FOXN3: variants seen among roughly 807,000 people sequenced by gnomAD.
The protein encoded by FOXN3 is forkhead box protein N3.
Under a neutral mutation model 38.4 loss-of-function variants are expected in FOXN3, and 7 were observed. That is an observed-to-expected ratio of 0.18 (90% confidence interval 0.10 to 0.34). The LOEUF is 0.34. FOXN3 is among the 10% of genes least tolerant of loss of function. FOXN3 has a pLI of 1.00. For missense variants in FOXN3, 456 were observed against 613.4 expected, an observed-to-expected ratio of 0.74 and a Z score of 2.71; for synonymous variants, 230 against 242.2, an observed-to-expected ratio of 0.95 and a Z score of 0.47.
intron 4 of FOXN3, among the ~76,000 whole-genome samples, chr14:89,209,211 C>T (rs186722653): frequency 6.0e-4 from 92 of 152,374 alleles, no homozygotes; most frequent in African/African-American, 2.0e-3. Flanking sequence ...CTGGCGGCCA[C>T]GTTAATTCCA....
At chr14:89,326,307 T>C (rs527992257) in intron 3 of FOXN3, among the ~76,000 whole-genome samples, 2 of 152,306 alleles carry the variant, frequency 1.3e-5, no homozygotes, top group South Asian at 4.1e-4. Context: ...ATATTAAACA[T>C]GAGGAATGAA....
intron 4 of FOXN3, among the ~76,000 whole-genome samples, chr14:89,253,911 T>C (rs1365977373): frequency 2.6e-5 from 4 of 152,224 alleles, no homozygotes; most frequent in Non-Finnish European, 5.9e-5. Context: ...ACATGGTACC[T>C]GTCCCAATGG....
upstream of FOXN3, among the ~76,000 whole-genome samples, chr14:89,418,791 G>A (rs998685518): frequency 3.9e-5 from 6 of 152,270 alleles, no homozygotes; most frequent in South Asian, 1.2e-3. Flanking sequence ...TGCAGGTCCT[G>A]CCCCTCCATC....
At chr14:89,567,243 A>G (rs1293502038) in intron 1 of FOXN3, among the ~76,000 whole-genome samples, 1 of 152,164 alleles carries the variant, frequency 6.6e-6, no homozygotes, top group Non-Finnish European at 1.5e-5. Context: ...TTTAGAGTCA[A>G]GCTCTGAATA....
At chr14:89,396,904 A>AGT (rs1004022353) in intron 2 of FOXN3, among the ~76,000 whole-genome samples, 1 of 139,640 alleles carries the variant, frequency 7.2e-6, no homozygotes, top group Non-Finnish European at 1.5e-5. Flanking sequence ...CTTATTTGTT[A>AGT]GTGCACAAAT....
rs148173370 is a variant in FOXN3 at position 89,219,279 on chromosome 14, T to C, written c.746-38473A>G. Among the ~76,000 whole-genome samples the C allele has an allele frequency of 1.4e-3, 214 of 152,326 alleles. 2 individuals carry two copies. Among genetic ancestry groups the C allele is most frequent in the African/African-American group, 4.8e-3 (201 of 41,570 alleles). On this transcript the variant is annotated intron_variant, in intron 4 of 5. Coordinates refer to ENST00000557258, the MANE Select transcript of FOXN3 (RefSeq NM_005197.4). Reference sequence around the variant, plus strand: ...CCCTTCTGTCTCCCTCCTGCTTCCATGTAAGACATGCCTTGCTTCCCCTTT... The same window carrying C: ...CCCTTCTGTCTCCCTCCTGCTTCCACGTAAGACATGCCTTGCTTCCCCTTT...
intron 2 of FOXN3, among the ~76,000 whole-genome samples, chr14:89,368,325 T>A (rs750482451): frequency 1.6e-4 from 16 of 100,102 alleles, no homozygotes; most frequent in Non-Finnish European, 2.6e-4. Context: ...AGTGAAACTC[T>A]GTCTCAAAAA....
In FOXN3 at chr14:89,176,486, G is replaced by A. The variant is rs1012521870; in HGVS notation, c.851+4215C>T. On this transcript the variant is annotated intron_variant, in intron 5 of 5. Coordinates refer to ENST00000557258, the MANE Select transcript of FOXN3 (RefSeq NM_005197.4). ...TTTAGTGGGTGCTAATGACTCTCCCGCCCTCCCTGGGCCCCAGCTGAACAG... is the reference window on the plus strand; with the variant it reads ...TTTAGTGGGTGCTAATGACTCTCCCACCCTCCCTGGGCCCCAGCTGAACAG... Among the ~76,000 whole-genome samples the A allele has an allele frequency of 5.3e-5, 8 of 152,174 alleles. No individual in the cohort carries two copies. The South Asian group carries it at 8.3e-4, about 16-fold the overall frequency.
At chr14:89,402,482 G>A (rs1269687131) in intron 2 of FOXN3, among the ~76,000 whole-genome samples, 2 of 152,160 alleles carry the variant, frequency 1.3e-5, no homozygotes, top group Non-Finnish European at 2.9e-5. Flanking sequence ...AGTTTGCTTG[G>A]CAACAGAATC....
In FOXN3 at chr14:89,484,997, C is replaced by T. The variant is rs945781697; in HGVS notation, c.-14-72507G>A. On this transcript the variant is annotated intron_variant, in intron 1 of 6. Transcript: ENST00000345097. The surrounding 1 kb of genome is among the most constrained non-coding windows in gnomAD (Gnocchi z 4.0). ...TGAAACACCATCTCTACTAAAAATA[C>T]AAAAATTAGCCGGGCGTGGTGGTGG... Among the ~76,000 whole-genome samples, 26 of 151,944 alleles carry T rather than the reference C, an allele frequency of 1.7e-4. No individual in the cohort carries two copies. The highest frequency in any genetic ancestry group is 6.0e-4 in the African/African-American group (25 of 41,344).
At chr14:89,370,904 C>T (rs1890300278) in intron 2 of FOXN3, among the ~76,000 whole-genome samples, 1 of 152,158 alleles carries the variant, frequency 6.6e-6, no homozygotes, top group South Asian at 2.1e-4. Context: ...CTGTTATCAA[C>T]CTTTTAAGGC....
At chr14:89,188,752 G>A (rs1451583822) in intron 4 of FOXN3, among the ~76,000 whole-genome samples, 1 of 152,036 alleles carries the variant, frequency 6.6e-6, no homozygotes, top group Non-Finnish European at 1.5e-5. Flanking sequence ...GTTGAGTTAT[G>A]CAACTTAATT....
intron 1 of FOXN3, among the ~76,000 whole-genome samples, chr14:89,469,931 C>T (rs1402583159): frequency 6.6e-6 from 1 of 152,242 alleles, no homozygotes; most frequent in Non-Finnish European, 1.5e-5. Flanking sequence ...CACGCAGGTG[C>T]GTTTTTTTAA....
chr14:89,214,349 C>A (rs1260704763), intron 4 of FOXN3, among the ~76,000 whole-genome samples: 6 of 152,214 alleles, frequency 3.9e-5, no homozygotes, highest in South Asian at 2.1e-4. Context: ...CTGCACCGTG[C>A]GGATGACTGC....
At chr14:89,199,905 G>GACAACAACAACAACAACA (rs367780395) in intron 4 of FOXN3, among the ~76,000 whole-genome samples, 1 of 151,542 alleles carries the variant, frequency 6.6e-6, no homozygotes, top group Non-Finnish European at 1.5e-5. Context: ...CTCCATCTCA[G>GACAACAACAACAACAACA]ACAACAACAA....
intron 2 of FOXN3, among the ~76,000 whole-genome samples, chr14:89,374,971 C>T (rs1265283772): frequency 6.9e-5 from 10 of 144,738 alleles, no homozygotes; most frequent in African/African-American, 7.9e-5. Context: ...AGTGAGACTC[C>T]GTCTCAGAAA....
At chr14:89,315,473 C>T (rs1203712869) in intron 3 of FOXN3, among the ~76,000 whole-genome samples, 2 of 152,164 alleles carry the variant, frequency 1.3e-5, no homozygotes, top group Admixed American at 6.5e-5. Context: ...ACCCAACTAA[C>T]GAATCTGGGT....
intron 4 of FOXN3, among the ~76,000 whole-genome samples, chr14:89,249,725 A>C (rs1467541552): frequency 6.6e-6 from 1 of 152,228 alleles, no homozygotes; most frequent in Non-Finnish European, 1.5e-5. Context: ...ACAATGCCAT[A>C]AAAGACACGG....
intron 5 of FOXN3, among the ~76,000 whole-genome samples, chr14:89,176,771 C>A (rs1887529591): frequency 6.6e-6 from 1 of 152,162 alleles, no homozygotes; most frequent in African/African-American, 2.4e-5. Flanking sequence ...TAGGCAGATG[C>A]CTCCATAGCT....
Sources: gnomAD v4.1 joint callset for allele counts (sites outside exome capture counted in the v4.1 genomes callset) on GRCh38, gnomAD v4.1.1 for gene constraint, Gnocchi (gnomAD v3.1) non-coding constraint, MANE v1.5 for transcripts, NCBI Gene and HGNC (gene_info 2026-07-23, HGNC 2026-07-21) for gene names.